Variants in TSHZ2 observed in about 807,000 individuals in gnomAD.
The protein encoded by TSHZ2 is teashirt zinc finger homeobox 2.
TSHZ2 carries 21 observed loss-of-function variants against 74.4 expected under a neutral mutation model. That is an observed-to-expected ratio of 0.28 (90% confidence interval 0.20 to 0.41). The LOEUF is 0.41. TSHZ2 is among the 10% of genes least tolerant of loss of function. The pLI is 1.00. For missense variants in TSHZ2, 1,244 were observed against 1,293.5 expected, an observed-to-expected ratio of 0.96 and a Z score of 0.59; for synonymous variants, 540 against 515.3, an observed-to-expected ratio of 1.05 and a Z score of -0.65.
intron 2 of TSHZ2, among the ~76,000 whole-genome samples, chr20:53,437,857 T>TCTCTTGCGTGTGATGTGCCTGCTC (rs1185499786): frequency 6.6e-6 from 1 of 152,192 alleles, no homozygotes; most frequent in Non-Finnish European, 1.5e-5. Flanking sequence ...TCTTGTTCTC[T>TCTCTTGCGTGTGATGTGCCTGCTC]CTCTTGCGTG....
In TSHZ2 at chr20:53,461,310, C is replaced by T. The variant is rs150729704; in HGVS notation, c.*9-25834C>T. 4.6e-5 allele frequency among the ~76,000 whole-genome samples: 7 copies of T among 152,220 alleles called. No homozygotes were observed. The East Asian group carries it at 9.6e-4, about 21-fold the overall frequency. ...GTGGGAGTGACCCGATTTCCAGGTGCGTCCGTCACCCTTTTCTTTGATTAG... is the reference window on the plus strand; with the variant it reads ...GTGGGAGTGACCCGATTTCCAGGTGTGTCCGTCACCCTTTTCTTTGATTAG... On this transcript the variant is annotated intron_variant, in intron 2 of 2. Transcript: ENST00000371497.
At chr20:53,321,143 G>A (rs781372409) in intron 2 of TSHZ2, among the ~76,000 whole-genome samples, 1 of 152,122 alleles carries the variant, frequency 6.6e-6, no homozygotes, top group Admixed American at 6.5e-5. Context: ...TAATGAAATT[G>A]TTCCTTCTTA....
At chr20:53,115,379 A>G (rs1479154618) in intron 1 of TSHZ2, among the ~76,000 whole-genome samples, 1 of 152,086 alleles carries the variant, frequency 6.6e-6, no homozygotes, top group Non-Finnish European at 1.5e-5. Flanking sequence ...ATGGTAGTGA[A>G]TAAGTCTCAT....
At chr20:53,260,300 C>T (rs1653203597) in intron 2 of TSHZ2, among the ~76,000 whole-genome samples, 2 of 152,196 alleles carry the variant, frequency 1.3e-5, no homozygotes, top group Non-Finnish European at 2.9e-5. Flanking sequence ...GGTTGATTCA[C>T]TCATGATAGG....
intron 1 of TSHZ2, among the ~76,000 whole-genome samples, chr20:52,995,887 G>A (rs1179004617): frequency 6.6e-6 from 1 of 151,934 alleles, no homozygotes; most frequent in Non-Finnish European, 1.5e-5. Context: ...CTCCCAAAGT[G>A]CTAGGATTAA....
At chr20:53,411,854 G>A (rs1279786497) in intron 2 of TSHZ2, among the ~76,000 whole-genome samples, 3 of 152,070 alleles carry the variant, frequency 2.0e-5, no homozygotes, top group Non-Finnish European at 4.4e-5. Flanking sequence ...ATAAAAAAAA[G>A]AGTACCTATC....
intron 2 of TSHZ2, among the ~76,000 whole-genome samples, chr20:53,347,209 G>A (rs1377589039): frequency 6.6e-6 from 1 of 152,132 alleles, no homozygotes; most frequent in Non-Finnish European, 1.5e-5. Context: ...GGTGGGAGGG[G>A]TCTCCTGTGC....
intron 2 of TSHZ2, among the ~76,000 whole-genome samples, chr20:53,416,347 G>A (rs1983253761): frequency 6.6e-6 from 1 of 152,196 alleles, no homozygotes. Flanking sequence ...GGAAATAATA[G>A]CAATATCCGA....
At chr20:52,997,262 G>GGT (rs546405037) in intron 1 of TSHZ2, among the ~76,000 whole-genome samples, 2 of 135,464 alleles carry the variant, frequency 1.5e-5, no homozygotes, top group African/African-American at 6.8e-5. Flanking sequence ...CTTGCCCCGG[G>GGT]GGGGGGTTCA....
chr20:53,391,538 C>T (rs1982259804), intron 2 of TSHZ2, among the ~76,000 whole-genome samples: 1 of 151,558 alleles, frequency 6.6e-6, no homozygotes, highest in Admixed American at 6.6e-5. Context: ...CTCAAACAAT[C>T]CTTCCACTTC....
chr20:53,093,788 CAA>C (rs1213237830), intron 1 of TSHZ2, among the ~76,000 whole-genome samples: 5 of 152,202 alleles, frequency 3.3e-5, no homozygotes, highest in Non-Finnish European at 7.4e-5. Flanking sequence ...AATAGACACT[CAA>C]TAAACACATG....
intron 1 of TSHZ2, among the ~76,000 whole-genome samples, chr20:53,019,266 T>C (rs1399687783): frequency 9.2e-5 from 14 of 151,778 alleles, no homozygotes; most frequent in Non-Finnish European, 8.8e-5. Flanking sequence ...TTTTTTCTTT[T>C]AAAGGAGACT....
At chr20:53,228,383 G>A (rs565793331) in intron 1 of TSHZ2, among the ~76,000 whole-genome samples, 2 of 152,246 alleles carry the variant, frequency 1.3e-5, no homozygotes, top group South Asian at 2.1e-4. Flanking sequence ...TTCTGCTCAG[G>A]TTGTGAATTA....
chr20:53,325,044 T>C (rs1298980175), intron 2 of TSHZ2, among the ~76,000 whole-genome samples: 1 of 152,230 alleles, frequency 6.6e-6, no homozygotes, highest in African/African-American at 2.4e-5. Flanking sequence ...ACTTGGCAAG[T>C]GGCATGGAAT....
chr20:53,286,215 T>C (rs545327971), intron 2 of TSHZ2, among the ~76,000 whole-genome samples: 1 of 152,330 alleles, frequency 6.6e-6, no homozygotes, highest in East Asian at 1.9e-4. Flanking sequence ...CTAAGCGGAG[T>C]GAGCGGCTTA....
rs544117802 is a variant in TSHZ2, at chr20:53,344,087, C to T, written c.*8+87516C>T. ...AATGGTAGCCAATGCTGTCTTTTCT[C>T]CTTGTAAATTGAGATATTTATGCTG... is the stretch of plus-strand genomic sequence containing the variant. On this transcript the variant is annotated intron_variant, in intron 2 of 2. Transcript: ENST00000371497. Among the ~76,000 whole-genome samples, 6 of 152,214 alleles carry T rather than the reference C, an allele frequency of 3.9e-5. No individual in the cohort carries two copies. The East Asian group carries it at 5.8e-4, about 15-fold the overall frequency.
chr20:53,147,274 C>T (rs1339991704), intron 1 of TSHZ2, among the ~76,000 whole-genome samples: 3 of 152,180 alleles, frequency 2.0e-5, no homozygotes, highest in African/African-American at 7.2e-5. Flanking sequence ...AGATATTATA[C>T]ATGGTGCCTG....
intron 2 of TSHZ2, among the ~76,000 whole-genome samples, chr20:53,316,158 A>G (rs773775647): frequency 6.6e-6 from 1 of 152,238 alleles, no homozygotes; most frequent in Non-Finnish European, 1.5e-5. Flanking sequence ...GTCTTGGGGT[A>G]AGGAAGAGAA....
intron 2 of TSHZ2, among the ~76,000 whole-genome samples, chr20:53,433,299 C>A (rs569314729): frequency 6.6e-6 from 1 of 152,250 alleles, no homozygotes; most frequent in Admixed American, 6.5e-5. Context: ...CATGGGGGTT[C>A]TAGACTGCAG....
Sources: gnomAD v4.1 joint callset for allele counts (sites outside exome capture counted in the v4.1 genomes callset) on GRCh38, gnomAD v4.1.1 for gene constraint, MANE v1.5 for transcripts, NCBI Gene and HGNC (gene_info 2026-07-23, HGNC 2026-07-21) for gene names.